Variants in UIMC1 observed in about 807,000 individuals in gnomAD.
UIMC1 encodes BRCA1-A complex subunit RAP80.
In UIMC1, 42 loss-of-function variants were observed where a neutral mutation model predicts 84.9. That is an observed-to-expected ratio of 0.49 (90% CI 0.39 to 0.64). The LOEUF (loss-of-function observed/expected upper bound fraction) is 0.64, where lower values mean the gene tolerates loss of function less well. Among genes scored for constraint, UIMC1 ranks in the 30% least tolerant of loss-of-function variants. The pLI, the probability that UIMC1 is intolerant of heterozygous loss-of-function variation, is 0.00. For missense variants in UIMC1, 825 were observed against 847.6 expected (o/e 0.97, Z 0.33); for synonymous variants, 281 against 293.0 (o/e 0.96, Z 0.42).
At chr5:176,912,957 T>G (rs1581350117) in intron 10 of UIMC1, among the ~76,000 whole-genome samples, 1 of 152,218 alleles carries the variant, frequency 6.6e-6, no homozygotes, top group Non-Finnish European at 1.5e-5. Flanking sequence ...CGTGAGCCAC[T>G]GCGCCCGGCC....
chr5:176,974,011 G>A (rs1769667409), intron 3 of UIMC1, among the ~76,000 whole-genome samples: 1 of 152,118 alleles, frequency 6.6e-6, no homozygotes, highest in African/African-American at 2.4e-5. Context: ...CAGTGCTGCA[G>A]TCACACCACT....
intron 1 of UIMC1, among the ~76,000 whole-genome samples, chr5:176,999,554 C>T (rs1403522241): frequency 6.6e-6 from 1 of 152,028 alleles, no homozygotes; most frequent in Non-Finnish European, 1.5e-5. Flanking sequence ...CCACCATCCC[C>T]CACTACCCTT....
chr5:177,002,597 C>A (rs1222066379), intron 1 of UIMC1, among the ~76,000 whole-genome samples: 1 of 152,088 alleles, frequency 6.6e-6, no homozygotes, highest in Non-Finnish European at 1.5e-5. Flanking sequence ...GTCAGGAAAT[C>A]GAGACCATCC....
At chr5:176,998,787 C>A (rs942909488) in intron 1 of UIMC1, among the ~76,000 whole-genome samples, 3 of 151,984 alleles carry the variant, frequency 2.0e-5, no homozygotes, top group African/African-American at 4.8e-5. Context: ...AAAAACAAAA[C>A]AAAACAAAAA....
intron 1 of UIMC1, among the ~76,000 whole-genome samples, chr5:176,997,684 CAAAA>C (rs11327766): frequency 7.8e-5 from 8 of 102,924 alleles, no homozygotes; most frequent in South Asian, 3.2e-4. Flanking sequence ...GACTCTGTCT[CAAAA>C]AAAAAAAAAA....
chr5:177,000,523 G>A (rs1183582331), intron 1 of UIMC1, among the ~76,000 whole-genome samples: 9 of 107,116 alleles, frequency 8.4e-5, no homozygotes, highest in Non-Finnish European at 1.5e-4. Flanking sequence ...TTTTTGAGAT[G>A]GAGTTTCATT....
Position 176,914,069 on chromosome 5 carries a change from T to TACCACACCACACCACACCACACCAC in UIMC1, c.1598-2681_1598-2680insGTGGTGTGGTGTGGTGTGGTGTGGT, listed in dbSNP as rs1271468882. Among the ~76,000 whole-genome samples, 547 of 144,468 alleles carry TACCACACCACACCACACCACACCAC rather than the reference T, an allele frequency of 3.8e-3. 7 individuals are homozygous for TACCACACCACACCACACCACACCAC. The highest frequency in any genetic ancestry group is 0.014 in the African/African-American group (507 of 35,060). 94.8% of individuals were successfully genotyped at this position (144,468 alleles called of 152,430 possible). On this transcript the variant is annotated intron_variant, in intron 10 of 14. Coordinates refer to ENST00000511320, the MANE Select transcript of UIMC1 (RefSeq NM_001199298.2). The stretch of plus-strand genomic sequence containing the variant: ...TACCATACCATACCATACCATACCA[T>TACCACACCACACCACACCACACCAC]ACCACACCACACCACACCATACCAT...
At chr5:176,943,066 A>ACAG (rs1764639791) in intron 10 of UIMC1, among the ~76,000 whole-genome samples, 1 of 150,966 alleles carries the variant, frequency 6.6e-6, no homozygotes, top group Non-Finnish European at 1.5e-5. Flanking sequence ...TCAAAAAACA[A>ACAG]ACAGAACAAA....
intron 1 of UIMC1, among the ~76,000 whole-genome samples, chr5:177,004,718 T>C (rs1775018648): frequency 6.6e-6 from 1 of 152,226 alleles, no homozygotes; most frequent in Non-Finnish European, 1.5e-5. Context: ...TCAGATATTA[T>C]TTGCCATTTT....
intron 2 of UIMC1, chr5:176,980,121 C>T (rs1227813045): frequency 6.6e-6 from 1 of 152,274 alleles, no homozygotes; most frequent in African/African-American, 2.4e-5. Context: ...CACCCCTTAC[C>T]CCTTGTCCTC....
chr5:176,919,922 T>C (rs1490312204), intron 10 of UIMC1, among the ~76,000 whole-genome samples: 1 of 152,248 alleles, frequency 6.6e-6, no homozygotes, highest in Non-Finnish European at 1.5e-5. Context: ...TTCGTTCTTT[T>C]TCAAGACTGT....
At chr5:176,916,674 T>C (rs181069735) in intron 10 of UIMC1, among the ~76,000 whole-genome samples, 42 of 152,360 alleles carry the variant, frequency 2.8e-4, no homozygotes, top group African/African-American at 9.9e-4. Context: ...TATTCACTAT[T>C]TGTTTATATA....
intron 1 of UIMC1, among the ~76,000 whole-genome samples, chr5:176,984,696 T>G (rs1771691202): frequency 6.6e-6 from 1 of 152,048 alleles, no homozygotes; most frequent in African/African-American, 2.4e-5. Flanking sequence ...GTTGTTACTG[T>G]GCCTGTGTAG....
Position 176,906,227 on chromosome 5 carries a change from G to A in UIMC1, c.1913-180C>T, listed in dbSNP as rs139395353. 2.2e-4 allele frequency: 129 copies of A among 573,746 alleles called. 1 individual carries two copies. Among genetic ancestry groups the A allele is most frequent in the African/African-American group, 2.1e-3 (112 of 52,980 alleles). The allele number at this position is 573,746 out of a possible 1,614,324, so 35.5% of individuals were successfully genotyped here. ...GCATTAGTGTCCAACAGACTCAGCT[G>A]CAGGGGCACTCAGATGAACACTTTT... is the stretch of plus-strand genomic sequence containing the variant. On this transcript the variant is annotated intron_variant, in intron 13 of 14. Transcript: ENST00000511320.
At chr5:176,967,121 T>C (rs911503200) in intron 6 of UIMC1, among the ~76,000 whole-genome samples, 249 of 152,322 alleles carry the variant, frequency 1.6e-3, no homozygotes, top group African/African-American at 5.7e-3. Flanking sequence ...GGAGGGCAAT[T>C]TGGCAACAGC....
At chr5:176,908,449 G>T (rs1010463961) in intron 12 of UIMC1, 74 bp downstream of exon 12, 10 of 1,485,116 alleles carry the variant, frequency 6.7e-6, no homozygotes, top group South Asian at 1.4e-5. Flanking sequence ...GGAAAAGCCA[G>T]AACAGAACTG....
chr5:176,955,811 A>G (rs758751418), intron 8 of UIMC1, 148 bp downstream of exon 8: 13 of 608,792 alleles, frequency 2.1e-5, no homozygotes, highest in Non-Finnish European at 3.4e-5. Flanking sequence ...ATATGTGTAT[A>G]CGCATACGAG....
At chr5:176,946,452 C>A (rs527746511) in intron 9 of UIMC1, among the ~76,000 whole-genome samples, 10 of 152,050 alleles carry the variant, frequency 6.6e-5, no homozygotes, top group African/African-American at 2.4e-4. Context: ...GCGGAGGCTG[C>A]AGTGAGCCGA....
At chr5:176,973,955 G>A (rs1181942854) in intron 3 of UIMC1, among the ~76,000 whole-genome samples, 1 of 152,150 alleles carries the variant, frequency 6.6e-6, no homozygotes, top group African/African-American at 2.4e-5. Context: ...CAGCTATTCA[G>A]GAGGCTAAAG....
Sources: gnomAD v4.1 joint callset for allele counts (sites outside exome capture counted in the v4.1 genomes callset) on GRCh38, gnomAD v4.1.1 for gene constraint, MANE v1.5 for transcripts, NCBI Gene and HGNC (gene_info 2026-07-23, HGNC 2026-07-21) for gene names.